The following PRKAR2A variants were observed in gnomAD, a reference collection of about 807,000 sequenced individuals.
PRKAR2A encodes protein kinase cAMP-dependent type II regulatory subunit alpha, also known as cAMP-dependent protein kinase type II-alpha regulatory subunit.
Under a neutral mutation model 51.9 loss-of-function variants are expected in PRKAR2A, and 29 were observed. The ratio of observed to expected loss-of-function variants is 0.56; its 90% CI spans 0.42 to 0.76. PRKAR2A has a LOEUF of 0.76. Ranked by LOEUF, PRKAR2A falls within the 30% of genes least tolerant of loss-of-function variation. PRKAR2A has a pLI of 0.00. For missense variants in PRKAR2A, 445 were observed against 512.1 expected, an observed-to-expected ratio of 0.87 and a Z score of 1.26; for synonymous variants, 178 against 186.2, an observed-to-expected ratio of 0.96 and a Z score of 0.36.
intron 5 of PRKAR2A, among the ~76,000 whole-genome samples, chr3:48,773,767 T>A (rs561317323): frequency 6.6e-6 from 1 of 151,668 alleles, no homozygotes; most frequent in Non-Finnish European, 1.5e-5. Context: ...CACACACACA[T>A]ATATACATAC....
intron 2 of PRKAR2A, among the ~76,000 whole-genome samples, chr3:48,802,642 G>A (rs1322657797): frequency 2.0e-5 from 3 of 151,836 alleles, no homozygotes; most frequent in East Asian, 1.9e-4. Context: ...GGTGGAAGTC[G>A]CAGTGAGCCG....
At chr3:48,754,940 AAAC>A (rs911206585) in intron 9 of PRKAR2A, among the ~76,000 whole-genome samples, 15 of 151,530 alleles carry the variant, frequency 9.9e-5, no homozygotes, top group Non-Finnish European at 1.8e-4. Flanking sequence ...GAGAGAGAGA[AAAC>A]AAATCCAGCT....
chr3:48,773,718 T>G (rs957916743), intron 5 of PRKAR2A, among the ~76,000 whole-genome samples: 3 of 151,964 alleles, frequency 2.0e-5, no homozygotes, highest in Admixed American at 6.6e-5. Context: ...CCTTCCTTTT[T>G]TTCCCCCCAT....
intron 3 of PRKAR2A, among the ~76,000 whole-genome samples, chr3:48,792,602 C>T (rs2082409081): frequency 6.6e-6 from 1 of 150,708 alleles, no homozygotes; most frequent in South Asian, 2.1e-4. Context: ...GCTGGGATTA[C>T]AGGCGCCTGC....
chr3:48,786,632 C>T (rs2082299106), intron 4 of PRKAR2A, among the ~76,000 whole-genome samples: 1 of 148,778 alleles, frequency 6.7e-6, no homozygotes, highest in Non-Finnish European at 1.5e-5. Context: ...CCCATCTCTA[C>T]TAAAAATAAA....
At chr3:48,763,883 G>A (rs558321607) in intron 8 of PRKAR2A, among the ~76,000 whole-genome samples, 67 of 152,132 alleles carry the variant, frequency 4.4e-4, no homozygotes, top group African/African-American at 1.5e-3. Flanking sequence ...TAATAGTAAC[G>A]GCTCCTAGAA....
At chr3:48,831,760 G>C (rs1172963908) in intron 1 of PRKAR2A, among the ~76,000 whole-genome samples, 1 of 151,988 alleles carries the variant, frequency 6.6e-6, no homozygotes, top group African/African-American at 2.4e-5. Context: ...GGGATTACAG[G>C]TGTGCACCAC....
intron 1 of PRKAR2A, 26 bp from the exon 2 acceptor site, chr3:48,807,710 G>A: frequency 6.3e-7 from 1 of 1,595,526 alleles, no homozygotes; most frequent in Non-Finnish European, 8.6e-7. Context: ...GCAACATTTA[G>A]TCATTATTAT....
chr3:48,833,744 T>C (rs2107447100), intron 1 of PRKAR2A, among the ~76,000 whole-genome samples: 1 of 142,870 alleles, frequency 7.0e-6, no homozygotes, highest in East Asian at 2.1e-4. Context: ...GAAAGAAAAT[T>C]GTTTCTTCCG....
intron 1 of PRKAR2A, among the ~76,000 whole-genome samples, chr3:48,832,884 G>A (rs751046524): frequency 2.0e-5 from 3 of 152,074 alleles, no homozygotes; most frequent in Non-Finnish European, 4.4e-5. Flanking sequence ...AAAAACTAAG[G>A]CTGCTGTGTG....
chr3:48,783,203 C>G (rs2082232333), intron 4 of PRKAR2A, 111 bp from the exon 5 acceptor site: 2 of 707,114 alleles, frequency 2.8e-6, no homozygotes, highest in Non-Finnish European at 4.9e-6. Flanking sequence ...CACATTCAAG[C>G]AGAAACCTAA....
At chr3:48,785,683 T>C (rs538669141) in intron 4 of PRKAR2A, among the ~76,000 whole-genome samples, 2 of 152,208 alleles carry the variant, frequency 1.3e-5, no homozygotes, top group South Asian at 4.1e-4. Context: ...AGGCGTGAGC[T>C]ACCTTGCCTA....
In PRKAR2A at chr3:48,797,147, A is replaced by G. The variant is rs1021869816; in HGVS notation, c.299-3098T>C. 2.6e-5 allele frequency among the ~76,000 whole-genome samples: 4 copies of G among 151,934 alleles called. No individual in the cohort carries two copies. The Middle Eastern group carries it at 0.01, about 388-fold the overall frequency. ...GGACAGGCTGATACATACCACTCCC[A>G]ATTTATTTATTTTTATTATTATTAT... On this transcript the variant is annotated intron_variant, in intron 2 of 10. Coordinates refer to ENST00000265563, the MANE Select transcript of PRKAR2A (RefSeq NM_004157.4).
At chr3:48,819,710 G>A (rs1194191791) in intron 1 of PRKAR2A, among the ~76,000 whole-genome samples, 1 of 152,152 alleles carries the variant, frequency 6.6e-6, no homozygotes, top group Non-Finnish European at 1.5e-5. Context: ...CCAGACAGAT[G>A]ATAAGCTCCT....
chr3:48,761,607 G>A (rs2081863982), intron 8 of PRKAR2A, among the ~76,000 whole-genome samples: 1 of 151,992 alleles, frequency 6.6e-6, no homozygotes, highest in Admixed American at 6.6e-5. Context: ...TCTACTGAAA[G>A]TTTTTATTTA....
chr3:48,844,585 C>G, intron 1 of PRKAR2A, among the ~76,000 whole-genome samples: 1 of 148,394 alleles, frequency 6.7e-6, no homozygotes, highest in Admixed American at 6.8e-5. Context: ...TTGGAACCAA[C>G]CCAAATGTCC....
downstream of PRKAR2A, chr3:48,746,539 G>C (rs1221230810): frequency 2.6e-5 from 4 of 152,076 alleles, no homozygotes; most frequent in African/African-American, 9.7e-5. Context: ...GAGCCCTGAA[G>C]CAAAATGGCA....
chr3:48,807,842 C>A (rs1287598822), intron 1 of PRKAR2A, among the ~76,000 whole-genome samples, 158 bp from the exon 2 acceptor site: 1 of 152,034 alleles, frequency 6.6e-6, no homozygotes, highest in Non-Finnish European at 1.5e-5. Context: ...AATAGTTGTT[C>A]AATGTGATAA....
intron 10 of PRKAR2A, 93 bp downstream of exon 10, chr3:48,752,083 G>T: frequency 1.4e-6 from 2 of 1,442,568 alleles, no homozygotes; most frequent in Non-Finnish European, 1.9e-6. Context: ...CTAGACAGCA[G>T]TAAAAGATGG....
Sources: allele counts gnomAD v4.1 joint callset (sites outside exome capture counted in the v4.1 genomes callset), GRCh38; gene constraint gnomAD v4.1.1; transcripts MANE v1.5; gene names NCBI Gene and HGNC (gene_info 2026-07-23, HGNC 2026-07-21).